CHIC2: variants seen among roughly 807,000 people sequenced by gnomAD.
CHIC2 encodes the protein cysteine rich hydrophobic domain 2.
In CHIC2, 14 loss-of-function variants were observed where a neutral mutation model predicts 25.9. The observed-to-expected ratio is 0.54, with a 90% CI of 0.36 to 0.85. The LOEUF (loss-of-function observed/expected upper bound fraction) is 0.85. Ranked by LOEUF, CHIC2 falls within the 40% of genes least tolerant of loss-of-function variation. The probability of loss-of-function intolerance (pLI) is 0.01; values close to 1 mark genes in which losing one functional copy is unlikely to be tolerated. For synonymous variants in CHIC2, 70 were observed against 72.0 expected, an observed-to-expected ratio of 0.97 and a Z score of 0.14; for missense variants, 146 against 202.0, an observed-to-expected ratio of 0.72 and a Z score of 1.68.
chr4:54,051,801 A>T lies in CHIC2; in HGVS notation c.120-2496T>A, dbSNP rs192732286. Among the ~76,000 whole-genome samples the T allele has an allele frequency of 5.5e-3, 844 of 152,160 alleles. 10 individuals are homozygous for T. The highest frequency in any genetic ancestry group is 0.019 in the African/African-American group (782 of 41,534). On this transcript the variant is annotated intron_variant, in intron 1 of 5. Coordinates refer to ENST00000263921, the MANE Select transcript of CHIC2 (RefSeq NM_012110.4). ...TTAGTCTATCCACCTGAGGATGTGA[A>T]TCCTTATTTCTTCTTCTCTCTCAAT...
upstream of CHIC2, among the ~76,000 whole-genome samples, chr4:54,069,229 T>C (rs1035148128): frequency 6.6e-6 from 1 of 152,078 alleles, no homozygotes; most frequent in Non-Finnish European, 1.5e-5. Context: ...GGTTTCACCA[T>C]GTTGCCCAGG....
intron 3 of CHIC2, among the ~76,000 whole-genome samples, chr4:54,046,844 C>T (rs1233818958): frequency 6.6e-6 from 1 of 152,164 alleles, no homozygotes; most frequent in Admixed American, 6.6e-5. Context: ...AAAGAAACTA[C>T]CATCAGAGTG....
At chr4:54,064,966 AAC>A (rs1282506363), upstream of CHIC2, among the ~76,000 whole-genome samples, 7 of 152,336 alleles carry the variant, frequency 4.6e-5, no homozygotes, top group East Asian at 1.4e-3. This position sits in a 1 kb window ranked among gnomAD's most constrained non-coding sequence, Gnocchi z 4.2. Flanking sequence ...CTCTAACCAA[AAC>A]AAACAACTGA....
At chr4:54,049,207 T>C (rs1335925847) in intron 2 of CHIC2, 44 bp downstream of exon 2, 2 of 1,571,442 alleles carry the variant, frequency 1.3e-6, no homozygotes, top group East Asian at 2.2e-5. Flanking sequence ...AGAAAAAAAC[T>C]TTCATTTTGA....
At chr4:54,087,519 A>T in the CHIC2 span, 1 of 1,147,478 alleles carries the variant, frequency 8.7e-7, no homozygotes, top group Non-Finnish European at 1.2e-6. Flanking sequence ...CAGCTGCTCT[A>T]CAAATTTGAG....
chr4:54,064,632 C>A (rs925609161), upstream of CHIC2: 41 of 1,082,848 alleles, frequency 3.8e-5, no homozygotes, highest in Non-Finnish European at 4.4e-5. The surrounding 1 kb of genome is among the most constrained non-coding windows in gnomAD (Gnocchi z 4.2). Context: ...CCACCCGCAG[C>A]GGGAGCAGCC....
rs769157508 is a variant in CHIC2 at position 54,064,302 on chromosome 4, CT to C, written c.-3del. On this transcript the variant is annotated 5_prime_UTR_variant, in exon 1 of 6. Coordinates refer to ENST00000263921, the MANE Select transcript of CHIC2 (RefSeq NM_012110.4). The surrounding 1 kb of genome is among the most constrained non-coding windows in gnomAD (Gnocchi z 4.2). ...ATAGATTTCGTCGAAATCCGCCATC[CT>C]GAGCCTCCGAGCTCCCCTGCCCAAA... 1 of 1,613,328 alleles carries C rather than the reference CT, an allele frequency of 6.2e-7. No individual in the cohort carries two copies. Among genetic ancestry groups the C allele is most frequent in the South Asian group, 1.1e-5 (1 of 90,976 alleles).
intron 3 of CHIC2, among the ~76,000 whole-genome samples, chr4:54,018,775 T>C (rs943463025): frequency 1.3e-5 from 2 of 152,062 alleles, no homozygotes; most frequent in African/African-American, 4.8e-5. Context: ...CTAATAACTA[T>C]TTATAAAAGT....
chr4:54,035,764 CTT>C (rs780566882), intron 3 of CHIC2, among the ~76,000 whole-genome samples: 76 of 152,154 alleles, frequency 5.0e-4, no homozygotes, highest in Non-Finnish European at 9.9e-4. Context: ...TTAATTTGCT[CTT>C]GTTTTTCTAA....
chr4:54,087,256 G>T, the CHIC2 span: 1 of 603,614 alleles, frequency 1.7e-6, no homozygotes, highest in Non-Finnish European at 3.0e-6. Context: ...TTGAAAGCGA[G>T]GACGCATTTA....
At chr4:54,077,650 A>G in the CHIC2 span, among the ~76,000 whole-genome samples, 3 of 152,214 alleles carry the variant, frequency 2.0e-5, no homozygotes, top group African/African-American at 7.2e-5. Flanking sequence ...CTCCACAAGA[A>G]TATGCTTCCT....
At chr4:54,055,555 C>G (rs916652122) in intron 1 of CHIC2, among the ~76,000 whole-genome samples, 1 of 152,128 alleles carries the variant, frequency 6.6e-6, no homozygotes, top group Non-Finnish European at 1.5e-5. Context: ...CTGAGACATT[C>G]CACCTGTACA....
chr4:54,017,789 A>T (rs1280196878), intron 3 of CHIC2, among the ~76,000 whole-genome samples: 1 of 152,152 alleles, frequency 6.6e-6, no homozygotes, highest in Non-Finnish European at 1.5e-5. Flanking sequence ...CATCTCCCTC[A>T]GCTCACTTTA....
At chr4:54,023,373 C>T (rs2110065570) in intron 3 of CHIC2, among the ~76,000 whole-genome samples, 1 of 152,268 alleles carries the variant, frequency 6.6e-6, no homozygotes, top group South Asian at 2.1e-4. Flanking sequence ...GTTCTCATAA[C>T]TTCCAAAATC....
intron 1 of CHIC2, among the ~76,000 whole-genome samples, chr4:54,063,820 G>A (rs1270142766): frequency 6.6e-6 from 1 of 152,226 alleles, no homozygotes; most frequent in East Asian, 1.9e-4. Context: ...CAAAGGCACA[G>A]ACAACCACAG....
At chr4:54,051,094 AC>A (rs1716995739) in intron 1 of CHIC2, among the ~76,000 whole-genome samples, 1 of 152,002 alleles carries the variant, frequency 6.6e-6, no homozygotes, top group African/African-American at 2.4e-5. Context: ...TTCTTCTCTT[AC>A]CACTGCCATC....
intron 1 of CHIC2, among the ~76,000 whole-genome samples, chr4:54,056,399 TCA>T (rs1429370722): frequency 6.6e-6 from 1 of 152,192 alleles, no homozygotes. Flanking sequence ...TAAATTATGT[TCA>T]TTTAAGCAAA....
Position 54,029,005 on chromosome 4 carries a change from C to T in CHIC2, c.331-14886G>A, listed in dbSNP as rs373335077. On this transcript the variant is annotated intron_variant, in intron 3 of 5. Coordinates refer to ENST00000263921, the MANE Select transcript of CHIC2 (RefSeq NM_012110.4). Reference sequence around the variant, plus strand: ...AGGCGTGGTGGTGTGCACCTATAGCCCCAGCTACTCTGGAGGCTGAGGCAG... The same window carrying T: ...AGGCGTGGTGGTGTGCACCTATAGCTCCAGCTACTCTGGAGGCTGAGGCAG... 3.0e-4 allele frequency among the ~76,000 whole-genome samples: 45 copies of T among 152,048 alleles called. No homozygotes were observed. In the South Asian group the frequency reaches 9.1e-3, roughly 31 times the overall value.
chr4:54,031,920 C>T (rs1425525182), intron 3 of CHIC2, among the ~76,000 whole-genome samples: 2 of 152,058 alleles, frequency 1.3e-5, no homozygotes, highest in South Asian at 2.1e-4. Context: ...GTGCCCAGCC[C>T]ACTTGCTCTA....
Sources: allele counts gnomAD v4.1 joint callset (sites outside exome capture counted in the v4.1 genomes callset), GRCh38; gene constraint gnomAD v4.1.1; non-coding constraint Gnocchi (gnomAD v3.1); transcripts MANE v1.5; gene names NCBI Gene and HGNC (gene_info 2026-07-23, HGNC 2026-07-21).